ITGA3: variants seen among roughly 807,000 people sequenced by gnomAD.
ITGA3 encodes the protein integrin alpha-3.
ITGA3 carries 70 observed loss-of-function variants against 131.1 expected under a neutral mutation model. The ratio of observed to expected loss-of-function variants is 0.53; its 90% CI spans 0.44 to 0.65. The LOEUF (loss-of-function observed/expected upper bound fraction) is 0.65, where lower values mean the gene tolerates loss of function less well. Among genes scored for constraint, ITGA3 ranks in the 30% least tolerant of loss-of-function variants. The probability of loss-of-function intolerance (pLI) is 0.00; values close to 1 mark genes in which losing one functional copy is unlikely to be tolerated. For missense variants in ITGA3, 1,098 were observed against 1,388.6 expected (o/e 0.79, Z 3.33); for synonymous variants, 537 against 571.6 (o/e 0.94, Z 0.86).
In ITGA3 at chr17:50,071,371, GT is replaced by G. The variant is rs1249230125; in HGVS notation, c.813del (p.Ala272ProfsTer13). ...LHPKNITIVT[G>X]APRHRHMGAV... ...CCCAAAAACATCACCATTGTGACAG[GT>G]GCCCCACGGCACCGACATATGGGCG... On this transcript the variant is annotated frameshift_variant, in exon 6 of 26. Coordinates refer to ENST00000320031, the MANE Select transcript of ITGA3 (RefSeq NM_002204.4). LOFTEE classifies it high-confidence loss of function. 6.2e-7 allele frequency: 1 copy of G among 1,614,044 alleles called. No homozygotes were observed. Among genetic ancestry groups the G allele is most frequent in the Non-Finnish European group, 8.5e-7 (1 of 1,180,050 alleles).
intron 15 of ITGA3, 95 bp downstream of exon 15, chr17:50,077,216 C>A: frequency 7.4e-7 from 1 of 1,355,980 alleles, no homozygotes; most frequent in Non-Finnish European, 1.0e-6. Flanking sequence ...TCGTCTGCCA[C>A]GTGCCCACCT....
At position 50,074,644 on chromosome 17, in the gene ITGA3, G is replaced by C. The variant is rs543997593; in HGVS notation, c.1469+110G>C. 64 of 758,428 alleles carry C rather than the reference G, an allele frequency of 8.4e-5. No individual in the cohort carries two copies. In the South Asian group the frequency reaches 1.0e-3, roughly 12 times the overall value. 47.0% of individuals were successfully genotyped at this position (758,428 alleles called of 1,614,324 possible). A position where few individuals can be genotyped will look rare whatever the true frequency, so the allele number is the denominator to read the frequency against. ...CCTGACATCCCACCTTTAGAAATTT[G>C]ATTCTTGGGGCCAGCATTTGCCCTC... On this transcript the variant is annotated intron_variant, in intron 10 of 25. Transcript: ENST00000320031.
chr17:50,082,075 A>G (rs1239234536), intron 23 of ITGA3, among the ~76,000 whole-genome samples: 2 of 151,968 alleles, frequency 1.3e-5, no homozygotes, highest in South Asian at 2.1e-4. Flanking sequence ...GTAGTCCTGA[A>G]CTCCTGGGCT....
At chr17:50,071,900 C>T (rs1567699602) in intron 6 of ITGA3, 86 bp from the exon 7 acceptor site, 45 of 1,234,042 alleles carry the variant, frequency 3.6e-5, no homozygotes, top group Non-Finnish European at 4.8e-5. Context: ...GCCCTGTGCC[C>T]TGGCACAGTC....
rs113441627 is a variant in ITGA3, at chr17:50,080,463, GGTGTGT to G, written c.2820+126_2820+131del. On this transcript the variant is annotated intron_variant, in intron 22 of 25. Transcript: ENST00000320031. Reference sequence around the variant, plus strand: ...AGGGCGAGTCCAGGGTCATAGCATGGGTGTGTGTGTGTGTGTGTGTGTGTGTGTGTG... The same window carrying G: ...AGGGCGAGTCCAGGGTCATAGCATGGGTGTGTGTGTGTGTGTGTGTGTGTG... 179,440 of 496,480 alleles carry G rather than the reference GGTGTGT, an allele frequency of 0.36. 18,339 individuals are homozygous for G. The highest frequency in any genetic ancestry group is 0.43 in the Non-Finnish European group (121,275 of 283,842). The allele number at this position is 496,480 out of a possible 1,614,324, so 30.8% of individuals were successfully genotyped here. A position where few individuals can be genotyped will look rare whatever the true frequency, so the allele number is the denominator to read the frequency against.
Position 50,076,698 on chromosome 17 carries a change from G to T in ITGA3, c.1922+17G>T, listed in dbSNP as rs1242903861. 3.7e-6 allele frequency: 6 copies of T among 1,605,834 alleles called. No individual in the cohort carries two copies. The highest frequency in any genetic ancestry group is 1.7e-4 in the Middle Eastern group (1 of 6,036). Reference sequence around the variant, plus strand: ...GCTGAGCAGGTGGCTGTGGGCCGCCGGCCGCGTTAATCGGCCAAGGGTGGG... The same window carrying T: ...GCTGAGCAGGTGGCTGTGGGCCGCCTGCCGCGTTAATCGGCCAAGGGTGGG... On this transcript the variant is annotated intron_variant, in intron 14 of 25. Transcript: ENST00000320031.
rs1367074812 is a variant in ITGA3 at position 50,056,464 on chromosome 17, C to T, written c.25C>T (p.Pro9Ser). ...CATGGGCCCCGGCCCCAGCCGCGCG[C>T]CCCGCGCCCCACGCCTGATGCTCTG... MGPGPSRA[P>S]RAPRLMLCAL... Residue 9 changes from proline to serine, a missense_variant, in exon 1 of 26, where the codon CCC (proline) becomes TCC (serine). Physicochemically the swap from Pro to Ser is moderately conservative, Grantham distance 74. Around this residue, in one of 3 missense-constraint regions of ITGA3, gnomAD observed 43 missense variants for 30.3 expected, o/e 1.42. Transcript: ENST00000320031. This position sits in a 1 kb window ranked among gnomAD's most constrained non-coding sequence, Gnocchi z 5.6. 2.0e-6 allele frequency: 3 copies of T among 1,537,818 alleles called. No homozygotes were observed. The Admixed American group carries it at 6.0e-5, about 31-fold the overall frequency.
At position 50,078,120 on chromosome 17, in the gene ITGA3, C is replaced by T. The variant is rs751777732; in HGVS notation, c.2214C>T (p.Leu738=). 4 of 1,613,586 alleles carry T rather than the reference C, an allele frequency of 2.5e-6. No individual in the cohort carries two copies. The highest frequency in any genetic ancestry group is 3.4e-6 in the Non-Finnish European group (4 of 1,179,662). ...GGGACCTTCAGGTGCAGCTGCAGCT[C>T]TCCACGTGAGTGACCTCGAAAAGCC... ...HTRDLQVQLQ[L]STSSHQDNLW... The change falls in exon 17 of 26, where the codon CTC becomes CTT. Residue 738 remains leucine (L), a synonymous_variant. Transcript: ENST00000320031.
At chr17:50,069,004 T>C (rs12602101) in intron 4 of ITGA3, among the ~76,000 whole-genome samples, 133,504 of 151,654 alleles carry the variant, frequency 0.88, 59,154 homozygotes, top group Non-Finnish European at 0.92. Context: ...CCCGCCACCA[T>C]GCCCGGCTAA....
intron 15 of ITGA3, 28 bp from the exon 16 acceptor site, chr17:50,077,351 C>T (rs1908964504): frequency 6.2e-7 from 1 of 1,606,386 alleles, no homozygotes; most frequent in African/African-American, 1.3e-5. Context: ...TTGACCCGAC[C>T]CTGACCTTAT....
In ITGA3 at chr17:50,064,673, G is replaced by A; in HGVS notation, c.414+66G>A. On this transcript the variant is annotated intron_variant, in intron 3 of 25. Coordinates refer to ENST00000320031, the MANE Select transcript of ITGA3 (RefSeq NM_002204.4). The surrounding 1 kb of genome is among the most constrained non-coding windows in gnomAD (Gnocchi z 4.4). ...GCTCTCCCCTCATCTCCAGAGCTGG[G>A]AGGAAAGAAGAGGGCAGCAGGGGGG... The A allele has an allele frequency of 3.7e-6, 5 of 1,360,042 alleles. No homozygotes were observed. The highest frequency in any genetic ancestry group is 4.1e-6 in the Non-Finnish European group (4 of 974,388). 84.2% of individuals were successfully genotyped at this position (1,360,042 alleles called of 1,614,324 possible).
At position 50,087,779 on chromosome 17, in the gene ITGA3, G is replaced by C. The variant is rs1159056348; in HGVS notation, c.2955G>C (p.Glu985Asp). 6.2e-7 allele frequency: 1 copy of C among 1,613,248 alleles called. No homozygotes were observed. The highest frequency in any genetic ancestry group is 1.7e-5 in the Admixed American group (1 of 59,994). Residue 985 changes from glutamate (E) to aspartate (D), a missense_variant, in exon 24 of 26, where the codon GAG (glutamate) becomes GAC (aspartate). Physicochemically the swap from Glu to Asp is conservative, Grantham distance 45. Coordinates refer to ENST00000320031, the MANE Select transcript of ITGA3 (RefSeq NM_002204.4). The stretch of plus-strand genomic sequence containing the variant: ...ACATTGACTCGGAGCTGGTGGAGGA[G>C]CTGCCGGCCGAAATCGAGCTGTGGC... ...SVDIDSELVEELPAEIELWLV... is the reference protein window; with the variant it reads ...SVDIDSELVEDLPAEIELWLV...
In ITGA3 at chr17:50,081,369, C is replaced by A; in HGVS notation, c.2880C>A (p.Thr960=). ...VNGWATLFLR[T]SIPTINMENK... ...GCTGGGCTACCCTATTCCTCCGAACCAGCATCCCCACCATCAACATGGAGA... is the reference window on the plus strand; with the variant it reads ...GCTGGGCTACCCTATTCCTCCGAACAAGCATCCCCACCATCAACATGGAGA... The change falls in exon 23 of 26, where the codon ACC becomes ACA. Residue 960 remains threonine (T), a synonymous_variant. Coordinates refer to ENST00000320031, the MANE Select transcript of ITGA3 (RefSeq NM_002204.4). 6.3e-7 allele frequency: 1 copy of A among 1,589,748 alleles called. No individual in the cohort carries two copies. Among genetic ancestry groups the A allele is most frequent in the Non-Finnish European group, 8.6e-7 (1 of 1,166,470 alleles).
rs760483447 is a variant in ITGA3, at chr17:50,078,002, C to T, written c.2140-44C>T. On this transcript the variant is annotated intron_variant, in intron 16 of 25. Transcript: ENST00000320031. Reference sequence around the variant, plus strand: ...TCCTTCCCCATGACATCACCCCCGCCAGGCCCCATATGCCACTCTCTGCCT... The same window carrying T: ...TCCTTCCCCATGACATCACCCCCGCTAGGCCCCATATGCCACTCTCTGCCT... 9.8e-6 allele frequency: 15 copies of T among 1,528,626 alleles called. No individual in the cohort carries two copies. In the South Asian group the frequency reaches 1.6e-4, roughly 16 times the overall value. The allele number at this position is 1,528,626 out of a possible 1,614,324, so 94.7% of individuals were successfully genotyped here.
At chr17:50,075,180 G>A (rs1020107376) in intron 10 of ITGA3, among the ~76,000 whole-genome samples, 5 of 152,200 alleles carry the variant, frequency 3.3e-5, no homozygotes, top group Admixed American at 2.6e-4. Flanking sequence ...TCAAGACTGG[G>A]CTGGGCCACC....
chr17:50,076,980 GT>G lies in ITGA3; in HGVS notation c.1930del (p.Tyr644ThrfsTer10). 1 of 1,609,058 alleles carries G rather than the reference GT, an allele frequency of 6.2e-7. No individual in the cohort carries two copies. The highest frequency in any genetic ancestry group is 1.7e-4 in the Middle Eastern group (1 of 6,048). ...CCTGGGCTCCTGCTCTCAGGCTCCA[GT>G]ACAGCAGAGACGTCCGGAAATTGCT... ...EQQQKLSRLQ[Y>X]SRDVRKLLLS... is the part of the protein sequence containing the mutation. On this transcript the variant is annotated frameshift_variant, in exon 15 of 26. Coordinates refer to ENST00000320031, the MANE Select transcript of ITGA3 (RefSeq NM_002204.4). LOFTEE classifies it high-confidence loss of function.
chr17:50,085,902 AC>A lies in ITGA3; in HGVS notation c.2920-1841del, dbSNP rs1443408750. 2.5e-4 allele frequency among the ~76,000 whole-genome samples: 30 copies of A among 121,650 alleles called. 4 individuals carry two copies. The highest frequency in any genetic ancestry group is 8.0e-4 in the African/African-American group (26 of 32,476). 79.8% of individuals were successfully genotyped at this position (121,650 alleles called of 152,430 possible). Reference sequence around the variant, plus strand: ...ATTTATAATGTATATTAGATTATACACATATAGATTTATAATATATATTAGA... The same window carrying A: ...ATTTATAATGTATATTAGATTATACAATATAGATTTATAATATATATTAGA... On this transcript the variant is annotated intron_variant, in intron 23 of 25. Transcript: ENST00000320031.
chr17:50,060,250 C>A (rs1026331890), intron 1 of ITGA3, among the ~76,000 whole-genome samples: 2 of 152,202 alleles, frequency 1.3e-5, no homozygotes, highest in South Asian at 2.1e-4. Flanking sequence ...GTGCTAGATC[C>A]TTTGGCCCCC....
intron 22 of ITGA3, among the ~76,000 whole-genome samples, chr17:50,080,873 T>A (rs1212934174): frequency 1.3e-5 from 2 of 152,128 alleles, no homozygotes; most frequent in Non-Finnish European, 2.9e-5. Context: ...TAGACCAAAC[T>A]TTTTCTGTAC....
Sources: gnomAD v4.1 joint callset for allele counts (sites outside exome capture counted in the v4.1 genomes callset) on GRCh38, gnomAD v4.1.1 for gene constraint, gnomAD v4.1.1 regional missense constraint, Gnocchi (gnomAD v3.1) non-coding constraint, MANE v1.5 for transcripts, NCBI Gene and HGNC (gene_info 2026-07-23, HGNC 2026-07-21) for gene names.